Variants in SEC14L3 observed in about 807,000 individuals in gnomAD.
SEC14L3 encodes the protein SEC14-like protein 3.
A neutral mutation model predicts 57.4 loss-of-function variants in SEC14L3; 56 were observed. The observed-to-expected ratio is 0.97, with a 90% CI of 0.79 to 1.22. The LOEUF is 1.22. Among genes scored for constraint, SEC14L3 ranks in the 50% most tolerant of loss-of-function variants. The pLI is 0.00. For missense variants in SEC14L3, 485 were observed against 511.7 expected (o/e 0.95, Z 0.50); for synonymous variants, 173 against 194.4 (o/e 0.89, Z 0.92).
At chr22:30,461,165 G>A (rs1935243300) in intron 11 of SEC14L3, 145 bp downstream of exon 11, 2 of 977,648 alleles carry the variant, frequency 2.0e-6, no homozygotes, top group South Asian at 1.9e-5. Context: ...GACTGAGTGA[G>A]TGACTGTATG....
intron 11 of SEC14L3, 184 bp from the exon 12 acceptor site, chr22:30,460,326 A>G: frequency 1.0e-6 from 1 of 953,124 alleles, no homozygotes; most frequent in Non-Finnish European, 1.2e-6. Context: ...CTGTAAACAG[A>G]CACCAACCTC....
downstream of SEC14L3, among the ~76,000 whole-genome samples, chr22:30,456,760 C>T (rs1367761531): frequency 6.6e-6 from 1 of 152,188 alleles, no homozygotes; most frequent in Admixed American, 6.5e-5. Context: ...TTTCCTTCCC[C>T]AATGCTGCCT....
downstream of SEC14L3, among the ~76,000 whole-genome samples, chr22:30,457,376 T>A (rs35145080): frequency 6.0e-5 from 4 of 66,162 alleles, no homozygotes; most frequent in African/African-American, 4.5e-4. Flanking sequence ...TTTAAGTATG[T>A]CTTTTTTTTT....
Position 30,471,953 on chromosome 22 carries a change from G to A in SEC14L3, c.6C>T (p.Ser2=), listed in dbSNP as rs149678692. 97 of 1,606,872 alleles carry A rather than the reference G, an allele frequency of 6.0e-5. 2 individuals are homozygous for A. Among genetic ancestry groups the A allele is most frequent in the East Asian group, 5.0e-4 (22 of 44,172 alleles). The change falls in exon 1 of 12, where the codon AGC becomes AGT. Residue 2 remains serine, a synonymous_variant. Coordinates refer to ENST00000215812, the MANE Select transcript of SEC14L3 (RefSeq NM_174975.5). ...TGGGGCTCAGGTCTCCAACTCGGCC[G>A]CTCATGGTGCTGGCTGGGGCTTGAG... M[S]GRVGDLSPKQ... is the part of the protein sequence containing the mutation.
chr22:30,450,301 G>A (rs2146079955), intron 12 of SEC14L3, among the ~76,000 whole-genome samples: 1 of 152,068 alleles, frequency 6.6e-6, no homozygotes, highest in South Asian at 2.1e-4. Context: ...AGCCTGGCTG[G>A]AAATCTTATT....
At chr22:30,455,072 A>ATTAAATATTTAATATT (rs1201955943), downstream of SEC14L3, among the ~76,000 whole-genome samples, 3 of 81,922 alleles carry the variant, frequency 3.7e-5, no homozygotes, top group African/African-American at 1.7e-4. Flanking sequence ...TATATAATAT[A>ATTAAATATTTAATATT]TAATATATTA....
At chr22:30,453,444 G>T (rs891379483) in intron 12 of SEC14L3, among the ~76,000 whole-genome samples, 1 of 152,014 alleles carries the variant, frequency 6.6e-6, no homozygotes, top group Non-Finnish European at 1.5e-5. Context: ...ATGGAGTCTC[G>T]CTCCGTTGCC....
At chr22:30,454,861 A>G, downstream of SEC14L3, among the ~76,000 whole-genome samples, 1 of 46,492 alleles carries the variant, frequency 2.2e-5, no homozygotes, top group Non-Finnish European at 3.1e-5. Flanking sequence ...TTATATTATT[A>G]TATAATACAT....
At chr22:30,464,931 G>A (rs758429281) in intron 7 of SEC14L3, 28 bp from the exon 8 acceptor site, 32 of 1,613,460 alleles carry the variant, frequency 2.0e-5, no homozygotes, top group Non-Finnish European at 2.7e-5. Flanking sequence ...AGGATAATGG[G>A]AAGAAAAGAA....
intron 12 of SEC14L3, among the ~76,000 whole-genome samples, chr22:30,451,969 G>A (rs1601807274): frequency 9.0e-6 from 1 of 111,624 alleles, no homozygotes; most frequent in African/African-American, 3.6e-5. Flanking sequence ...TCCAGCATGG[G>A]CAAGAGAGTA....
intron 12 of SEC14L3, among the ~76,000 whole-genome samples, chr22:30,451,423 G>A (rs896331740): frequency 1.3e-5 from 2 of 151,996 alleles, no homozygotes; most frequent in South Asian, 2.1e-4. Context: ...CCTTGTCCCC[G>A]GCCCCCCCTT....
At chr22:30,454,766 ATATAATATAT>A (rs1465958054), downstream of SEC14L3, among the ~76,000 whole-genome samples, 1 of 81,972 alleles carries the variant, frequency 1.2e-5, no homozygotes, top group Admixed American at 2.3e-4. Flanking sequence ...AATATATAAT[ATATAATATAT>A]TATTATATAT....
In SEC14L3 at chr22:30,461,671, G is replaced by C; in HGVS notation, c.795C>G (p.Pro265=). 6.2e-7 allele frequency: 1 copy of C among 1,607,674 alleles called. No individual in the cohort carries two copies. Among genetic ancestry groups the C allele is most frequent in the Non-Finnish European group, 8.5e-7 (1 of 1,175,766 alleles). ...LTKINYGGEI[P]KSMYVRDQVK... Reference sequence around the variant, plus strand: ...CCTGGTCCCGCACGTACATGGACTTGGGGATCTCCCCGCCATAGTTAATCT... The same window carrying C: ...CCTGGTCCCGCACGTACATGGACTTCGGGATCTCCCCGCCATAGTTAATCT... Residue 265 remains proline (P), a synonymous_variant, in exon 10 of 12, where the codon CCC becomes CCG. Coordinates refer to ENST00000215812, the MANE Select transcript of SEC14L3 (RefSeq NM_174975.5).
downstream of SEC14L3, among the ~76,000 whole-genome samples, chr22:30,458,676 G>A (rs4820851): frequency 0.7 from 107,152 of 152,102 alleles, 38,743 homozygotes; most frequent in African/African-American, 0.86. Flanking sequence ...GGCAGGAGGC[G>A]GTATTACAAG....
rs1935292769 is a variant in SEC14L3 at position 30,462,257 on chromosome 22, C to T, written c.665-65G>A. On this transcript the variant is annotated intron_variant, in intron 8 of 11. Transcript: ENST00000215812. ...GGGGCACCAATTAGCCTCCCACACC[C>T]ACCAGGATGACCTGAACTGGGGGAG... 2.0e-6 allele frequency: 3 copies of T among 1,528,788 alleles called. No individual in the cohort carries two copies. The East Asian group carries it at 7.0e-5, about 36-fold the overall frequency. The allele number at this position is 1,528,788 out of a possible 1,614,324, so 94.7% of individuals were successfully genotyped here.
At chr22:30,449,650 C>T (rs190302011) in intron 12 of SEC14L3, among the ~76,000 whole-genome samples, 37 of 151,660 alleles carry the variant, frequency 2.4e-4, no homozygotes, top group Non-Finnish European at 4.9e-4. Context: ...CTGCAACCTC[C>T]GCCTCCCAGT....
rs763327044 is a variant in SEC14L3, at chr22:30,462,164, G to A, written c.693C>T (p.Leu231=). 5.6e-6 allele frequency: 9 copies of A among 1,613,818 alleles called. No homozygotes were observed. The South Asian group carries it at 8.8e-5, about 16-fold the overall frequency. Residue 231 remains leucine, a synonymous_variant, in exon 9 of 12, where the codon CTC becomes CTT. Coordinates refer to ENST00000215812, the MANE Select transcript of SEC14L3 (RefSeq NM_174975.5). ...GGGCAGGCAGTTCCTCAGGACTGAT[G>A]AGTTTCAGCAAACCTTCCTTCCAGT... The part of the protein sequence containing the change: ...GNNWKEGLLK[L]ISPEELPAQF...
chr22:30,459,251 G>T lies in SEC14L3; in HGVS notation c.*770C>A. On this transcript the variant is annotated 3_prime_UTR_variant, in exon 12 of 12. Coordinates refer to ENST00000215812, the MANE Select transcript of SEC14L3 (RefSeq NM_174975.5). The stretch of plus-strand genomic sequence containing the variant: ...AAATGATAGTTGTTTTCTTTATTAT[G>T]ATTATGCCAGATGTGACTGCCTTTG... 1 of 984,600 alleles carries T rather than the reference G, an allele frequency of 1.0e-6. No individual in the cohort carries two copies. Among genetic ancestry groups the T allele is most frequent in the Non-Finnish European group, 1.2e-6 (1 of 829,194 alleles). The allele number at this position is 984,600 out of a possible 1,614,324, so 61.0% of individuals were successfully genotyped here. A position where few individuals can be genotyped will look rare whatever the true frequency, so the allele number is the denominator to read the frequency against.
rs1285383976 is a variant in SEC14L3, at chr22:30,466,329, C to T, written c.580+5G>A. The T allele has an allele frequency of 1.2e-6, 2 of 1,613,286 alleles. No homozygotes were observed. Among genetic ancestry groups the T allele is most frequent in the Non-Finnish European group, 8.5e-7 (1 of 1,179,366 alleles). ...CACAAGTAAGTGAAGTCATTTGTCA[C>T]ATACCTTTCACGATGAGCATGAACT... On this transcript the variant is annotated splice_donor_5th_base_variant and intron_variant, in intron 7 of 11. Coordinates refer to ENST00000215812, the MANE Select transcript of SEC14L3 (RefSeq NM_174975.5).
Sources: gnomAD v4.1 joint callset for allele counts (sites outside exome capture counted in the v4.1 genomes callset) on GRCh38, gnomAD v4.1.1 for gene constraint, MANE v1.5 for transcripts, NCBI Gene and HGNC (gene_info 2026-07-23, HGNC 2026-07-21) for gene names.